Variants in EPHA3 observed in about 807,000 individuals in gnomAD.
EPHA3 encodes ephrin type-A receptor 3.
In EPHA3, 42 loss-of-function variants were observed where a neutral mutation model predicts 107.1. The observed-to-expected ratio is 0.39, with a 90% CI of 0.31 to 0.51. The LOEUF is 0.51. Ranked by LOEUF, EPHA3 falls within the 20% of genes least tolerant of loss-of-function variation. The pLI is 0.78. For synonymous variants in EPHA3, 461 were observed against 424.8 expected (o/e 1.09, Z -1.05); for missense variants, 1,183 against 1,211.2 (o/e 0.98, Z 0.35).
intron 2 of EPHA3, among the ~76,000 whole-genome samples, chr3:89,178,264 T>A (rs954991727): frequency 2.0e-5 from 3 of 152,152 alleles, no homozygotes; most frequent in Non-Finnish European, 2.9e-5. Flanking sequence ...AGATAGATAG[T>A]AAATAATTTC....
At chr3:89,167,305 C>A (rs1451384261) in intron 2 of EPHA3, among the ~76,000 whole-genome samples, 1 of 151,896 alleles carries the variant, frequency 6.6e-6, no homozygotes, top group East Asian at 1.9e-4. Context: ...AATACATATA[C>A]TTGGAAATTC....
intron 2 of EPHA3, among the ~76,000 whole-genome samples, chr3:89,133,621 C>G (rs2106994214): frequency 6.6e-6 from 1 of 152,276 alleles, no homozygotes; most frequent in East Asian, 1.9e-4. Context: ...TGAGGCAAAA[C>G]TATGTAGCCC....
At chr3:89,377,689 C>A (rs1708427905) in intron 5 of EPHA3, among the ~76,000 whole-genome samples, 1 of 152,034 alleles carries the variant, frequency 6.6e-6, no homozygotes, top group South Asian at 2.1e-4. Context: ...GGAAATTTAA[C>A]TTGAAAAGCA....
chr3:89,300,024 A>G (rs1339372493), intron 3 of EPHA3, among the ~76,000 whole-genome samples: 4 of 152,006 alleles, frequency 2.6e-5, no homozygotes, highest in Non-Finnish European at 4.4e-5. Context: ...AGCCAAATAA[A>G]CAACAACAAA....
chr3:89,213,416 C>T (rs1704153273), intron 3 of EPHA3, among the ~76,000 whole-genome samples: 1 of 151,912 alleles, frequency 6.6e-6, no homozygotes, highest in Non-Finnish European at 1.5e-5. Context: ...ATAGACTTTA[C>T]ATTATTTATC....
intron 13 of EPHA3, among the ~76,000 whole-genome samples, chr3:89,446,564 T>A (rs898956795): frequency 6.6e-6 from 1 of 152,108 alleles, no homozygotes; most frequent in Admixed American, 6.5e-5. Context: ...TTCATGGCTG[T>A]CATCAACCTA....
intron 3 of EPHA3, among the ~76,000 whole-genome samples, chr3:89,307,618 A>G (rs1003026536): frequency 1.3e-5 from 2 of 152,126 alleles, no homozygotes; most frequent in African/African-American, 4.8e-5. Context: ...GCTGAAGTGC[A>G]GTGGCGCAAT....
intron 2 of EPHA3, among the ~76,000 whole-genome samples, chr3:89,146,975 G>A (rs1003033273): frequency 6.6e-6 from 1 of 151,818 alleles, no homozygotes; most frequent in Non-Finnish European, 1.5e-5. Context: ...GGAAAATGTG[G>A]TATATATACA....
chr3:89,146,838 C>A (rs1447350028), intron 2 of EPHA3, among the ~76,000 whole-genome samples: 1 of 151,664 alleles, frequency 6.6e-6, no homozygotes, highest in Non-Finnish European at 1.5e-5. Context: ...AAGGAAGGGG[C>A]CTAGTTTCTG....
intron 2 of EPHA3, among the ~76,000 whole-genome samples, chr3:89,132,465 G>C (rs1704227160): frequency 6.6e-6 from 1 of 152,056 alleles, no homozygotes; most frequent in Non-Finnish European, 1.5e-5. Context: ...TGGTACTTTA[G>C]TATGATGTCA....
intron 2 of EPHA3, among the ~76,000 whole-genome samples, chr3:89,192,903 C>T (rs1407004983): frequency 6.6e-6 from 1 of 151,706 alleles, no homozygotes; most frequent in East Asian, 1.9e-4. Context: ...TAGGATATAG[C>T]CAAAATCAAT....
At chr3:89,368,277 A>G (rs1382141263) in intron 5 of EPHA3, among the ~76,000 whole-genome samples, 1 of 150,552 alleles carries the variant, frequency 6.6e-6, no homozygotes, top group Non-Finnish European at 1.5e-5. Flanking sequence ...TACATTATTT[A>G]AAGCAATCTT....
chr3:89,203,325 AAAAAAAAAAC>A (rs1485829817), intron 2 of EPHA3, among the ~76,000 whole-genome samples: 1,966 of 52,646 alleles, frequency 0.037, 21 homozygotes, highest in Non-Finnish European at 0.068. Context: ...AGCCGGAATT[AAAAAAAAAAC>A]AAAACAAAAC....
chr3:89,273,791 C>G (rs1705738133), intron 3 of EPHA3, among the ~76,000 whole-genome samples: 1 of 151,756 alleles, frequency 6.6e-6, no homozygotes. Flanking sequence ...AAATCATGGC[C>G]AATAGCATGC....
At chr3:89,469,450 T>C (rs1443740821) in intron 15 of EPHA3, among the ~76,000 whole-genome samples, 4 of 152,204 alleles carry the variant, frequency 2.6e-5, no homozygotes, top group South Asian at 4.1e-4. Flanking sequence ...CACAAACTTC[T>C]CATATGTTCC....
intron 1 of EPHA3, among the ~76,000 whole-genome samples, chr3:89,111,404 G>T (rs1386568693): frequency 6.6e-6 from 1 of 151,708 alleles, no homozygotes; most frequent in South Asian, 2.1e-4. Context: ...TTTGGAAGAG[G>T]GTTTACATTT....
chr3:89,184,721 A>T (rs897567547), intron 2 of EPHA3, among the ~76,000 whole-genome samples: 34 of 152,020 alleles, frequency 2.2e-4, no homozygotes, highest in African/African-American at 7.7e-4. Flanking sequence ...CTTGAAATGG[A>T]TTCGTTTCAG....
At chr3:89,351,388 G>T (rs1367942327) in intron 5 of EPHA3, among the ~76,000 whole-genome samples, 4 of 150,710 alleles carry the variant, frequency 2.7e-5, no homozygotes, top group African/African-American at 9.7e-5. Flanking sequence ...TTCCAGGTGC[G>T]TCCGTCACCC....
At chr3:89,471,872 T>G (rs1048710603) in intron 15 of EPHA3, among the ~76,000 whole-genome samples, 1 of 152,062 alleles carries the variant, frequency 6.6e-6, no homozygotes, top group African/African-American at 2.4e-5. Context: ...GTGTCAAGTA[T>G]GCAAGAATGT....
Sources: allele counts gnomAD v4.1 joint callset (sites outside exome capture counted in the v4.1 genomes callset), GRCh38; gene constraint gnomAD v4.1.1; transcripts MANE v1.5; gene names NCBI Gene and HGNC (gene_info 2026-07-23, HGNC 2026-07-21).